KDM6A: variants seen among roughly 807,000 people sequenced by gnomAD.
KDM6A encodes lysine demethylase 6A.
Under a neutral mutation model 117.6 loss-of-function variants are expected in KDM6A, and 11 were observed. The ratio of observed to expected loss-of-function variants is 0.09; its 90% CI spans 0.06 to 0.15. The LOEUF (loss-of-function observed/expected upper bound fraction) is 0.15, where lower values mean the gene tolerates loss of function less well. Among genes scored for constraint, KDM6A ranks in the 10% least tolerant of loss-of-function variants. The probability of loss-of-function intolerance (pLI) is 1.00; values close to 1 mark genes in which losing one functional copy is unlikely to be tolerated. For missense variants in KDM6A, 799 were observed against 1,077.3 expected (o/e 0.74, Z 3.62); for synonymous variants, 384 against 396.1 (o/e 0.97, Z 0.36).
intron 19 of KDM6A, among the ~76,000 whole-genome samples, chrX:45,077,027 GTGA>G (rs1215517849): frequency 1.8e-5 from 2 of 110,767 alleles, no homozygotes; most frequent in African/African-American, 6.6e-5. Flanking sequence ...GCTATTAACT[GTGA>G]TGATATTAGA....
At chrX:44,934,410 G>T (rs905659770) in intron 2 of KDM6A, among the ~76,000 whole-genome samples, 9 of 111,664 alleles carry the variant, frequency 8.1e-5, no homozygotes, top group Admixed American at 1.9e-4. Context: ...TGTTTGGGGT[G>T]GGCCATTTTG....
intron 2 of KDM6A, among the ~76,000 whole-genome samples, chrX:44,922,752 A>G (rs2036044180): frequency 8.8e-6 from 1 of 113,011 alleles, no homozygotes; most frequent in Non-Finnish European, 1.9e-5. Context: ...TACAGGCGTG[A>G]GCCACTGCGC....
chrX:44,940,640 C>T (rs940082170), intron 2 of KDM6A, among the ~76,000 whole-genome samples: 4 of 111,716 alleles, frequency 3.6e-5, no homozygotes, highest in African/African-American at 9.8e-5. Flanking sequence ...TTCATTCTTT[C>T]GAGTCAAAGT....
intron 2 of KDM6A, among the ~76,000 whole-genome samples, chrX:44,960,398 C>T (rs1428216186): frequency 4.5e-5 from 5 of 111,407 alleles, no homozygotes; most frequent in Admixed American, 3.8e-4. Context: ...TGTTATTACC[C>T]GTGAAGATAA....
intron 2 of KDM6A, among the ~76,000 whole-genome samples, chrX:44,956,937 CTGGCCAACA>C (rs2038366104): frequency 9.1e-6 from 1 of 110,100 alleles, no homozygotes; most frequent in African/African-American, 3.3e-5. Flanking sequence ...CGAGACCAGC[CTGGCCAACA>C]TGGTGAAACC....
At chrX:44,926,996 G>T (rs764966058) in intron 2 of KDM6A, among the ~76,000 whole-genome samples, 169 of 111,453 alleles carry the variant, frequency 1.5e-3, no homozygotes, top group African/African-American at 5.2e-3. Context: ...GTAATTAAAT[G>T]AATTAATACA....
intron 8 of KDM6A, among the ~76,000 whole-genome samples, chrX:45,047,829 G>A (rs1338499913): frequency 9.5e-6 from 1 of 105,225 alleles, no homozygotes; most frequent in Non-Finnish European, 1.9e-5. Flanking sequence ...GACTACAGGC[G>A]CGTGCCATCA....
At chrX:44,947,030 A>G (rs1167895726) in intron 2 of KDM6A, among the ~76,000 whole-genome samples, 1 of 111,843 alleles carries the variant, frequency 8.9e-6, no homozygotes, top group Non-Finnish European at 1.9e-5. Flanking sequence ...ATAAATCTGG[A>G]TTTAAAAATT....
chrX:45,041,517 G>A (rs1360815480), intron 8 of KDM6A, among the ~76,000 whole-genome samples: 24 of 106,202 alleles, frequency 2.3e-4, no homozygotes, highest in Non-Finnish European at 3.1e-4. Context: ...CGGACGGAGG[G>A]GCTCCTCACT....
At position 44,985,883 on chromosome X, in the gene KDM6A, A is replaced by G. The variant is rs1462438771; in HGVS notation, c.384+11168A>G. On this transcript the variant is annotated intron_variant, in intron 4 of 29. Transcript: ENST00000611820. The stretch of plus-strand genomic sequence containing the variant: ...GTCTAAAAGTCTCTTTTTTGGTTGT[A>G]TCTCTGCCAGGCTTTGGTATCAGGA... Among the ~76,000 whole-genome samples the G allele has an allele frequency of 3.6e-5, 4 of 111,359 alleles. No homozygotes were observed. The East Asian group carries it at 8.5e-4, about 24-fold the overall frequency.
chrX:44,912,002 CAGAGGG>C (rs2035223482), intron 2 of KDM6A, among the ~76,000 whole-genome samples: 1 of 91,621 alleles, frequency 1.1e-5, no homozygotes, highest in African/African-American at 4.3e-5. Flanking sequence ...GGCTCAGCAT[CAGAGGG>C]AGATCGTGGA....
At chrX:45,096,761 C>T (rs891201782) in intron 27 of KDM6A, among the ~76,000 whole-genome samples, 7 of 111,470 alleles carry the variant, frequency 6.3e-5, no homozygotes, top group African/African-American at 2.0e-4. Context: ...ACACTGTTGG[C>T]GGGACTGTAA....
At chrX:45,011,322 A>C (rs1342399187) in intron 5 of KDM6A, among the ~76,000 whole-genome samples, 3 of 111,343 alleles carry the variant, frequency 2.7e-5, no homozygotes, top group Non-Finnish European at 5.7e-5. Context: ...GTGTTCCCCA[A>C]GTTATTTGAA....
At position 45,090,123 on chromosome X, in the gene KDM6A, A is replaced by G. The variant is rs2045829594; in HGVS notation, c.3892+193A>G. Among the ~76,000 whole-genome samples the G allele has an allele frequency of 2.7e-5, 3 of 112,406 alleles. No homozygotes were observed. In the South Asian group the frequency reaches 1.1e-3, roughly 41 times the overall value. On this transcript the variant is annotated intron_variant, in intron 26 of 29. Coordinates refer to ENST00000611820, the MANE Select transcript of KDM6A (RefSeq NM_001291415.2). ...AAATCTAAGAGCATAGATGTTAGCA[A>G]ATAACAAGTTTATGGCTTTAATATA...
At chrX:45,105,314 G>A (rs951698165) in intron 27 of KDM6A, among the ~76,000 whole-genome samples, 1 of 111,749 alleles carries the variant, frequency 8.9e-6, no homozygotes, top group Admixed American at 9.5e-5. Context: ...TTTCTCCCAG[G>A]GTTGTTAGGA....
intron 4 of KDM6A, among the ~76,000 whole-genome samples, chrX:45,002,861 G>GC (rs1169401246): frequency 0.085 from 1,868 of 21,952 alleles, 83 homozygotes; most frequent in Non-Finnish European, 0.12. Flanking sequence ...TCCCCTCCCC[G>GC]CCCCCCCCCC....
intron 4 of KDM6A, among the ~76,000 whole-genome samples, chrX:44,978,213 T>G (rs1196866150): frequency 8.9e-6 from 1 of 112,506 alleles, no homozygotes; most frequent in Non-Finnish European, 1.9e-5. Context: ...TCTGATCCGT[T>G]TGGGTTTTAT....
chrX:45,073,930 T>C (rs776070813), intron 18 of KDM6A, among the ~76,000 whole-genome samples: 1 of 112,249 alleles, frequency 8.9e-6, no homozygotes, highest in African/African-American at 3.2e-5. Context: ...TTTGGTGTTT[T>C]AGTCATGAAG....
At chrX:45,008,208 A>C (rs2041591552) in intron 4 of KDM6A, among the ~76,000 whole-genome samples, 1 of 110,326 alleles carries the variant, frequency 9.1e-6, no homozygotes, top group Non-Finnish European at 1.9e-5. Flanking sequence ...GCCCGTCTCT[A>C]CTAAAAATAC....
Sources: allele counts gnomAD v4.1 joint callset (sites outside exome capture counted in the v4.1 genomes callset), GRCh38; gene constraint gnomAD v4.1.1; transcripts MANE v1.5; gene names NCBI Gene and HGNC (gene_info 2026-07-23, HGNC 2026-07-21).